SLC2A12: variants seen among roughly 807,000 people sequenced by gnomAD.
SLC2A12 encodes the protein solute carrier family 2 member 12.
In SLC2A12, 23 loss-of-function variants were observed where a neutral mutation model predicts 41.8. That is an observed-to-expected ratio of 0.55 (90% CI 0.40 to 0.78). The LOEUF (loss-of-function observed/expected upper bound fraction) is 0.78, where lower values mean the gene tolerates loss of function less well. Among genes scored for constraint, SLC2A12 ranks in the 30% least tolerant of loss-of-function variants. The pLI is 0.00. For missense variants in SLC2A12, 654 were observed against 745.6 expected (o/e 0.88, Z 1.43); for synonymous variants, 295 against 285.9 (o/e 1.03, Z -0.32).
At chr6:134,013,436 C>T (rs1455279378) in intron 2 of SLC2A12, among the ~76,000 whole-genome samples, 1 of 151,888 alleles carries the variant, frequency 6.6e-6, no homozygotes, top group Non-Finnish European at 1.5e-5. Flanking sequence ...ATAGAAATAT[C>T]TTACATATTT....
intron 2 of SLC2A12, among the ~76,000 whole-genome samples, chr6:134,024,079 G>C (rs943969148): frequency 1.3e-5 from 2 of 152,204 alleles, no homozygotes; most frequent in Admixed American, 1.3e-4. Context: ...CCGATCACTG[G>C]TTCCCCTTGT....
chr6:134,037,346 A>AT lies in SLC2A12; in HGVS notation c.104-7626dup, dbSNP rs1382700261. Among the ~76,000 whole-genome samples, 17 of 137,950 alleles carry AT rather than the reference A, an allele frequency of 1.2e-4. No individual in the cohort carries two copies. In the East Asian group the frequency reaches 2.2e-3, roughly 17 times the overall value. The allele number at this position is 137,950 out of a possible 152,430, so 90.5% of individuals were successfully genotyped here. ...CATAGGCTTACCCTCTTGGGTTAGC[A>AT]TTTTTTTTGGCTTTTGTTTTTGTTT... is the stretch of plus-strand genomic sequence containing the variant. On this transcript the variant is annotated intron_variant, in intron 1 of 4. Transcript: ENST00000275230.
chr6:134,047,591 T>C (rs879558634), intron 1 of SLC2A12, among the ~76,000 whole-genome samples: 1 of 152,210 alleles, frequency 6.6e-6, no homozygotes, highest in African/African-American at 2.4e-5. Context: ...GTGTAAGCTC[T>C]AGACCACTAA....
intron 1 of SLC2A12, among the ~76,000 whole-genome samples, chr6:134,045,709 AAG>A (rs1356963736): frequency 2.6e-5 from 4 of 152,206 alleles, no homozygotes; most frequent in Non-Finnish European, 5.9e-5. Flanking sequence ...TAAAGATCTG[AAG>A]GGATTACAGT....
At chr6:134,041,941 T>C (rs1244349458) in intron 1 of SLC2A12, among the ~76,000 whole-genome samples, 3 of 152,152 alleles carry the variant, frequency 2.0e-5, no homozygotes, top group African/African-American at 4.8e-5. Flanking sequence ...TGGTGAGCCA[T>C]GGACATTTGA....
chr6:134,038,065 A>G (rs866327290), intron 1 of SLC2A12, among the ~76,000 whole-genome samples: 4 of 152,176 alleles, frequency 2.6e-5, no homozygotes, highest in Non-Finnish European at 5.9e-5. Flanking sequence ...ACTCAGACAA[A>G]AAGGAACTTT....
intron 2 of SLC2A12, among the ~76,000 whole-genome samples, chr6:134,021,909 T>C (rs148103760): frequency 4.2e-4 from 64 of 152,288 alleles, no homozygotes; most frequent in African/African-American, 1.4e-3. Context: ...AAGTGCTTTG[T>C]GTGTATTGAC....
At chr6:134,006,736 T>A (rs1174686037) in intron 3 of SLC2A12, 76 bp downstream of exon 3, 1 of 1,565,252 alleles carries the variant, frequency 6.4e-7, no homozygotes, top group Non-Finnish European at 8.7e-7. Flanking sequence ...GAAAAAATGG[T>A]CTTTAGGTGG....
rs932495927 is a variant in SLC2A12 at position 133,990,488 on chromosome 6, A to G, written c.*667T>C. The G allele has an allele frequency of 3.3e-5, 5 of 152,568 alleles. No homozygotes were observed. Among genetic ancestry groups the G allele is most frequent in the African/African-American group, 7.2e-5 (3 of 41,418 alleles). 9.5% of individuals were successfully genotyped at this position (152,568 alleles called of 1,614,324 possible). On this transcript the variant is annotated 3_prime_UTR_variant, in exon 5 of 5. Coordinates refer to ENST00000275230, the MANE Select transcript of SLC2A12 (RefSeq NM_145176.3). ...AAAAAAATGCTCATTTTTCTCAACTATTGTGGAATTATTTTAATATTTCAC... is the reference window on the plus strand; with the variant it reads ...AAAAAAATGCTCATTTTTCTCAACTGTTGTGGAATTATTTTAATATTTCAC...
chr6:133,996,018 C>A (rs1005746784), intron 4 of SLC2A12, among the ~76,000 whole-genome samples: 1 of 152,170 alleles, frequency 6.6e-6, no homozygotes, highest in Non-Finnish European at 1.5e-5. Flanking sequence ...CTCAGATCCG[C>A]CCAGTTGAAA....
intron 1 of SLC2A12, among the ~76,000 whole-genome samples, chr6:134,042,222 T>G (rs1777391225): frequency 6.6e-6 from 1 of 152,218 alleles, no homozygotes; most frequent in African/African-American, 2.4e-5. Flanking sequence ...CAATAATGGT[T>G]GAGAATCACC....
chr6:134,006,741 A>AG, intron 3 of SLC2A12, 71 bp downstream of exon 3: 1 of 1,583,524 alleles, frequency 6.3e-7, no homozygotes, highest in South Asian at 1.2e-5. Context: ...AATGGTCTTT[A>AG]GGTGGGTGTG....
intron 4 of SLC2A12, among the ~76,000 whole-genome samples, chr6:133,999,821 A>C (rs999607809): frequency 6.6e-6 from 1 of 152,232 alleles, no homozygotes; most frequent in Non-Finnish European, 1.5e-5. Context: ...GTTATGCAGC[A>C]ATGGATAATT....
chr6:134,018,267 T>C (rs1467824988), intron 2 of SLC2A12, among the ~76,000 whole-genome samples: 1 of 152,136 alleles, frequency 6.6e-6, no homozygotes. Context: ...CCACAAACCA[T>C]GCACTGAACT....
At chr6:134,004,652 C>T (rs1776790758) in intron 3 of SLC2A12, among the ~76,000 whole-genome samples, 1 of 152,126 alleles carries the variant, frequency 6.6e-6, no homozygotes. Context: ...TAAAGAGAAA[C>T]CGACTCATTG....
At chr6:134,030,079 G>GAAA (rs771359235) in intron 1 of SLC2A12, among the ~76,000 whole-genome samples, 13 of 152,172 alleles carry the variant, frequency 8.5e-5, no homozygotes, top group Non-Finnish European at 1.8e-4. Context: ...CAGTGGATCA[G>GAAA]AAATTCAAAG....
intron 4 of SLC2A12, among the ~76,000 whole-genome samples, chr6:133,991,778 G>A (rs975151281): frequency 2.0e-5 from 3 of 152,178 alleles, no homozygotes; most frequent in African/African-American, 7.2e-5. Flanking sequence ...AGCTGCCTTT[G>A]AACCTCCCTT....
chr6:133,990,492 T>C lies in SLC2A12; in HGVS notation c.*663A>G, dbSNP rs2220135. On this transcript the variant is annotated 3_prime_UTR_variant, in exon 5 of 5. Coordinates refer to ENST00000275230, the MANE Select transcript of SLC2A12 (RefSeq NM_145176.3). ...AAATGCTCATTTTTCTCAACTATTG[T>C]GGAATTATTTTAATATTTCACAATA... 94,513 of 152,514 alleles carry C rather than the reference T, an allele frequency of 0.62. 30,053 individuals carry two copies. The highest frequency in any genetic ancestry group is 0.7 in the African/African-American group (28,967 of 41,482). The allele number at this position is 152,514 out of a possible 1,614,324, so 9.4% of individuals were successfully genotyped here. A position where few individuals can be genotyped will look rare whatever the true frequency, so the allele number is the denominator to read the frequency against.
Position 134,034,044 on chromosome 6 carries a change from C to T in SLC2A12, c.104-4323G>A, listed in dbSNP as rs151275486. 7.4e-3 allele frequency among the ~76,000 whole-genome samples: 1,130 copies of T among 152,140 alleles called. 20 individuals carry two copies. The highest frequency in any genetic ancestry group is 0.025 in the African/African-American group (1,055 of 41,506). The stretch of plus-strand genomic sequence containing the variant: ...AAGCCATCCCAGTTTGTCAACGTTC[C>T]CCTTGAAACCCATGGAGTATAATTC... On this transcript the variant is annotated intron_variant, in intron 1 of 4. Transcript: ENST00000275230.
Sources: allele counts gnomAD v4.1 joint callset (sites outside exome capture counted in the v4.1 genomes callset), GRCh38; gene constraint gnomAD v4.1.1; transcripts MANE v1.5; gene names NCBI Gene and HGNC (gene_info 2026-07-23, HGNC 2026-07-21).